The following IGSF5 variants were observed in gnomAD, a reference collection of about 807,000 sequenced individuals.
IGSF5 encodes immunoglobulin superfamily member 5.
In IGSF5, 41 loss-of-function variants were observed where a neutral mutation model predicts 39.4. The observed-to-expected ratio is 1.04, with a 90% confidence interval of 0.81 to 1.35. The LOEUF (loss-of-function observed/expected upper bound fraction) is 1.35. IGSF5 is among the 40% of genes most tolerant of loss of function. IGSF5 has a pLI of 0.00. For missense variants in IGSF5, 487 were observed against 494.6 expected, an observed-to-expected ratio of 0.98 and a Z score of 0.15; for synonymous variants, 183 against 175.3, an observed-to-expected ratio of 1.04 and a Z score of -0.34.
the IGSF5 span, among the ~76,000 whole-genome samples, chr21:39,738,801 G>A: frequency 1.7e-3 from 257 of 152,152 alleles, 2 homozygotes; most frequent in Admixed American, 4.2e-3. This position sits in a 1 kb window ranked among gnomAD's most constrained non-coding sequence, Gnocchi z 6.4. Flanking sequence ...GATAGAGGTC[G>A]TTCTTATCTC....
the IGSF5 span, among the ~76,000 whole-genome samples, chr21:39,736,649 A>T: frequency 6.6e-6 from 1 of 152,224 alleles, no homozygotes; most frequent in East Asian, 1.9e-4. Flanking sequence ...CAATAGAAAC[A>T]GTCCCGGCCC....
intron 2 of IGSF5, among the ~76,000 whole-genome samples, chr21:39,746,775 G>C (rs1356389418): frequency 6.6e-6 from 1 of 152,154 alleles, no homozygotes; most frequent in Non-Finnish European, 1.5e-5. Context: ...GGCTCTCAGA[G>C]TTTGCCATTG....
chr21:39,719,452 G>C, the IGSF5 span, among the ~76,000 whole-genome samples: 2 of 152,158 alleles, frequency 1.3e-5, no homozygotes, highest in African/African-American at 2.4e-5. Flanking sequence ...TGTAAATCAT[G>C]TTCTGGAGGT....
Position 39,770,947 on chromosome 21 carries a change from T to G in IGSF5, c.450T>G (p.Asn150Lys). The G allele has an allele frequency of 6.3e-7, 1 of 1,595,356 alleles. No individual in the cohort carries two copies. Among genetic ancestry groups the G allele is most frequent in the Non-Finnish European group, 8.5e-7 (1 of 1,169,862 alleles). The change falls in exon 4 of 9, where the codon AAT becomes AAG. Residue 150 changes from asparagine (N) to lysine (K), a missense_variant. Physicochemically the swap from Asn to Lys is moderately conservative, Grantham distance 94. Transcript: ENST00000380588. Reference protein sequence around the residue: ...VMGELFIPSVNLVVAENEPCE... With the variant: ...VMGELFIPSVKLVVAENEPCE... ...GAGAGCTGTTCATTCCCAGTGTTAA[T>G]CTTGTAGTCGCTGAGAATGAACCTT...
At chr21:39,780,298 G>A (rs1232234641) in intron 5 of IGSF5, among the ~76,000 whole-genome samples, 5 of 152,192 alleles carry the variant, frequency 3.3e-5, no homozygotes, top group Non-Finnish European at 5.9e-5. Flanking sequence ...AGAAGAAAAG[G>A]ACTTTCTTAA....
chr21:39,730,930 A>C, the IGSF5 span, among the ~76,000 whole-genome samples: 1 of 152,226 alleles, frequency 6.6e-6, no homozygotes, highest in Non-Finnish European at 1.5e-5. Context: ...AAAAGGCCCC[A>C]AAATGAATGC....
intron 2 of IGSF5, among the ~76,000 whole-genome samples, chr21:39,765,194 T>C (rs1341377771): frequency 6.6e-6 from 1 of 152,232 alleles, no homozygotes; most frequent in Non-Finnish European, 1.5e-5. Flanking sequence ...TAAACCCAGG[T>C]TGATTTCATC....
chr21:39,793,741 T>G, intron 8 of IGSF5, 128 bp downstream of exon 8: 1 of 740,618 alleles, frequency 1.4e-6, no homozygotes, highest in Non-Finnish European at 2.3e-6. Flanking sequence ...TTTCCTCCCC[T>G]CCATATCAGC....
chr21:39,759,606 C>T (rs1430902963), intron 2 of IGSF5, among the ~76,000 whole-genome samples: 1 of 152,020 alleles, frequency 6.6e-6, no homozygotes, highest in African/African-American at 2.4e-5. Flanking sequence ...GTGGCTCACG[C>T]CTGTAATCCC....
chr21:39,796,106 A>G (rs16998532), intron 8 of IGSF5, among the ~76,000 whole-genome samples: 13,259 of 152,126 alleles, frequency 0.087, 608 homozygotes, highest in South Asian at 0.16. Context: ...GTTTCCTGGG[A>G]AGCACTTAGA....
chr21:39,780,152 G>C (rs544442867), intron 5 of IGSF5, among the ~76,000 whole-genome samples: 5 of 151,824 alleles, frequency 3.3e-5, no homozygotes, highest in Non-Finnish European at 7.4e-5. Context: ...ATATCACAGC[G>C]TACACTGTAA....
intron 2 of IGSF5, 35 bp downstream of exon 2, chr21:39,746,333 C>T (rs374575517): frequency 2.6e-5 from 18 of 699,392 alleles, no homozygotes; most frequent in African/African-American, 5.3e-5. Context: ...GTAACAAACA[C>T]GGACCAGAAG....
chr21:39,726,465 G>T, the IGSF5 span, among the ~76,000 whole-genome samples: 1 of 152,010 alleles, frequency 6.6e-6, no homozygotes, highest in Non-Finnish European at 1.5e-5. Context: ...TCTGGGTGCC[G>T]CATCCGGTGG....
the IGSF5 span, among the ~76,000 whole-genome samples, chr21:39,738,104 A>G: frequency 3.3e-5 from 5 of 152,182 alleles, no homozygotes; most frequent in Admixed American, 6.5e-5. The surrounding 1 kb of genome is among the most constrained non-coding windows in gnomAD (Gnocchi z 6.4). Context: ...TACATTCAGC[A>G]GCTGATGCAT....
Position 39,776,015 on chromosome 21 carries a change from T to G in IGSF5, c.719-3075T>G, listed in dbSNP as rs1162295323. The stretch of plus-strand genomic sequence containing the variant: ...CTCTGTCCTGAGCGTCTTGTCTGCA[T>G]GATGAAAAGATTGGATTATGGATGA... On this transcript the variant is annotated intron_variant, in intron 4 of 8. Transcript: ENST00000380588. Among the ~76,000 whole-genome samples, 4 of 152,156 alleles carry G rather than the reference T, an allele frequency of 2.6e-5. No homozygotes were observed. The East Asian group carries it at 5.8e-4, about 22-fold the overall frequency.
At chr21:39,739,227 G>A in the IGSF5 span, among the ~76,000 whole-genome samples, 10 of 150,900 alleles carry the variant, frequency 6.6e-5, no homozygotes, top group African/African-American at 1.5e-4. Flanking sequence ...ATTGAGTCCC[G>A]CCCTCTTTTT....
rs370310409 is a variant in IGSF5, at chr21:39,793,725, G to A, written c.1128+112G>A. ...CGTTGTGTATTCATGATGGTGGCAT[G>A]TTGCCTTTCCTCCCCTCCATATCAG... On this transcript the variant is annotated intron_variant, in intron 8 of 8. Coordinates refer to ENST00000380588, the MANE Select transcript of IGSF5 (RefSeq NM_001080444.2). 30 of 850,014 alleles carry A rather than the reference G, an allele frequency of 3.5e-5. No homozygotes were observed. In the East Asian group the frequency reaches 5.5e-4, roughly 16 times the overall value. 52.7% of individuals were successfully genotyped at this position (850,014 alleles called of 1,614,324 possible). A position where few individuals can be genotyped will look rare whatever the true frequency, so the allele number is the denominator to read the frequency against.
chr21:39,786,967 G>A (rs1476633247), intron 5 of IGSF5, among the ~76,000 whole-genome samples: 1 of 152,160 alleles, frequency 6.6e-6, no homozygotes, highest in Non-Finnish European at 1.5e-5. Flanking sequence ...GTGGGGTAGG[G>A]GGAAGGGGGA....
intron 5 of IGSF5, among the ~76,000 whole-genome samples, chr21:39,780,799 G>A (rs1312237015): frequency 2.0e-5 from 3 of 152,170 alleles, no homozygotes; most frequent in African/African-American, 7.2e-5. Flanking sequence ...AGAAGCCTAC[G>A]GATGCTTTAT....
Sources: allele counts gnomAD v4.1 joint callset (sites outside exome capture counted in the v4.1 genomes callset), GRCh38; gene constraint gnomAD v4.1.1; non-coding constraint Gnocchi (gnomAD v3.1); transcripts MANE v1.5; gene names NCBI Gene and HGNC (gene_info 2026-07-23, HGNC 2026-07-21).